The following CDYL variants were observed in gnomAD, a reference collection of about 807,000 sequenced individuals.
CDYL encodes the protein chromodomain Y-like protein.
A neutral mutation model predicts 47.3 loss-of-function variants in CDYL; 8 were observed. The observed-to-expected ratio is 0.17, with a 90% CI of 0.10 to 0.31. CDYL has a LOEUF of 0.31. Ranked by LOEUF, CDYL falls within the 10% of genes least tolerant of loss-of-function variation. CDYL has a pLI of 1.00. For synonymous variants in CDYL, 266 were observed against 265.0 expected (o/e 1.00, Z -0.04); for missense variants, 471 against 701.4 (o/e 0.67, Z 3.71).
At chr6:4,849,476 G>A (rs533997896) in intron 1 of CDYL, among the ~76,000 whole-genome samples, 2 of 152,220 alleles carry the variant, frequency 1.3e-5, no homozygotes, top group South Asian at 4.1e-4. Flanking sequence ...ACGATAATTC[G>A]TGTGGTGTGT....
chr6:4,724,195 C>T (rs1757438009), intron 2 of CDYL, among the ~76,000 whole-genome samples: 2 of 151,656 alleles, frequency 1.3e-5, no homozygotes, highest in African/African-American at 4.9e-5. Flanking sequence ...CATGTGCCAT[C>T]ACACCCAGCT....
chr6:4,755,051 T>TTTTTG (rs991991474), intron 3 of CDYL, among the ~76,000 whole-genome samples: 2 of 151,922 alleles, frequency 1.3e-5, no homozygotes, highest in Admixed American at 6.6e-5. Flanking sequence ...TGTTTTTTGT[T>TTTTTG]TTTTGTTTTG....
At chr6:4,900,779 G>GTGTGTGTATATATATATATA in intron 2 of CDYL, among the ~76,000 whole-genome samples, 30 of 51,672 alleles carry the variant, frequency 5.8e-4, no homozygotes, top group South Asian at 1.9e-3. Context: ...GTATACGTGT[G>GTGTGTGTATATATATATATA]TATATATATA....
At chr6:4,909,739 T>A (rs1288710230) in intron 2 of CDYL, among the ~76,000 whole-genome samples, 4 of 151,610 alleles carry the variant, frequency 2.6e-5, no homozygotes, top group African/African-American at 9.7e-5. Flanking sequence ...CCTGGCTATT[T>A]TTTTTTTTTT....
At chr6:4,713,254 C>T (rs74406109) in intron 1 of CDYL, among the ~76,000 whole-genome samples, 1,686 of 152,298 alleles carry the variant, frequency 0.011, 14 homozygotes, top group Non-Finnish European at 0.018. Flanking sequence ...TCTCGTGCTT[C>T]TCTGCTCTAC....
At chr6:4,759,932 G>GAAAGA (rs138182511) in intron 3 of CDYL, among the ~76,000 whole-genome samples, 1 of 61,500 alleles carries the variant, frequency 1.6e-5, no homozygotes, top group Non-Finnish European at 3.6e-5. Flanking sequence ...AAAAGAAGAA[G>GAAAGA]AAAGAAAAGA....
chr6:4,942,910 G>T (rs1175550613), intron 4 of CDYL, among the ~76,000 whole-genome samples: 2 of 152,190 alleles, frequency 1.3e-5, no homozygotes, highest in Non-Finnish European at 2.9e-5. Flanking sequence ...TGCTCTTCTT[G>T]TTTGCAGGTC....
chr6:4,712,688 G>A (rs1034781930), intron 1 of CDYL, among the ~76,000 whole-genome samples: 4 of 152,138 alleles, frequency 2.6e-5, no homozygotes, highest in Admixed American at 6.5e-5. Flanking sequence ...GAGGAGATTC[G>A]GACTGTTAGA....
At position 4,935,556 on chromosome 6, in the gene CDYL, A is replaced by G; in HGVS notation, c.733A>G (p.Thr245Ala). 1 of 1,614,240 alleles carries G rather than the reference A, an allele frequency of 6.2e-7. No homozygotes were observed. The highest frequency in any genetic ancestry group is 8.5e-7 in the Non-Finnish European group (1 of 1,180,042). The part of the protein sequence containing the change: ...FMDALTANGT[T>A]NIQTSVTGVT... ...GGATGCATTAACAGCCAATGGGACA[A>G]CCAACATACAGACATCTGTTACAGG... The change falls in exon 3 of 7, where the codon ACC becomes GCC. Residue 245 changes from threonine to alanine, a missense_variant. Physicochemically the swap from Thr to Ala is moderately conservative, Grantham distance 58. Transcript: ENST00000397588.
exon 2 of CDYL, chr6:4,715,806 G>C (rs969199144): frequency 1.2e-6 from 2 of 1,614,052 alleles, no homozygotes; most frequent in East Asian, 2.2e-5. Flanking sequence ...CCACAGGTCA[G>C]CCTGGGGAAA....
chr6:4,730,618 G>A (rs1320907694), intron 2 of CDYL, among the ~76,000 whole-genome samples: 2 of 142,754 alleles, frequency 1.4e-5, no homozygotes, highest in Non-Finnish European at 3.0e-5. Context: ...AGGTTGCAGT[G>A]AGCCGAGATT....
intron 1 of CDYL, among the ~76,000 whole-genome samples, chr6:4,811,270 A>C (rs1191553938): frequency 6.6e-6 from 1 of 152,222 alleles, no homozygotes; most frequent in Admixed American, 6.5e-5. Context: ...GATAATACTA[A>C]AGATAGAACT....
At chr6:4,813,665 C>T (rs1004273232) in intron 1 of CDYL, among the ~76,000 whole-genome samples, 12 of 152,108 alleles carry the variant, frequency 7.9e-5, no homozygotes, top group African/African-American at 2.2e-4. Flanking sequence ...TTATTTTATC[C>T]GATTGTTATT....
chr6:4,950,700 G>A (rs1013608621), intron 5 of CDYL, among the ~76,000 whole-genome samples: 5 of 152,096 alleles, frequency 3.3e-5, no homozygotes, highest in African/African-American at 7.2e-5. Flanking sequence ...AGGCCCAGGC[G>A]GGCGGATCAC....
rs141657873 is a variant in CDYL, at chr6:4,837,873, A to G, written c.25-53840A>G. Reference sequence around the variant, plus strand: ...ACTGCAGCCTCTGCCTCCCAGGCTCAAGTGATCCCAATACCTCATCCTCTC... The same window carrying G: ...ACTGCAGCCTCTGCCTCCCAGGCTCGAGTGATCCCAATACCTCATCCTCTC... On this transcript the variant is annotated intron_variant, in intron 1 of 6. Coordinates refer to ENST00000397588, the MANE Select transcript of CDYL (RefSeq NM_004824.4). Among the ~76,000 whole-genome samples the G allele has an allele frequency of 6.2e-4, 94 of 152,024 alleles. 1 individual carries two copies. Among genetic ancestry groups the G allele is most frequent in the African/African-American group, 2.1e-3 (88 of 41,438 alleles).
At chr6:4,774,909 G>C (rs1758396747), upstream of CDYL, among the ~76,000 whole-genome samples, 1 of 152,152 alleles carries the variant, frequency 6.6e-6, no homozygotes, top group African/African-American at 2.4e-5. Flanking sequence ...GGTGGGGACC[G>C]CAGGTAGAAG....
intron 2 of CDYL, among the ~76,000 whole-genome samples, chr6:4,925,374 T>C (rs575955686): frequency 1.3e-5 from 2 of 151,796 alleles, no homozygotes; most frequent in Admixed American, 6.6e-5. Context: ...AGATTTGTTA[T>C]GCGTCTGTCC....
upstream of CDYL, among the ~76,000 whole-genome samples, chr6:4,774,201 A>G (rs1050316314): frequency 3.3e-5 from 5 of 152,168 alleles, no homozygotes; most frequent in African/African-American, 1.2e-4. Context: ...TAATAGGCTT[A>G]TATGTTATAT....
intron 2 of CDYL, among the ~76,000 whole-genome samples, chr6:4,723,726 AGT>A (rs1757420734): frequency 6.6e-6 from 1 of 152,178 alleles, no homozygotes. Context: ...AGCAGGGCAG[AGT>A]GAGTCTGAAG....
Sources: gnomAD v4.1 joint callset for allele counts (sites outside exome capture counted in the v4.1 genomes callset) on GRCh38, gnomAD v4.1.1 for gene constraint, MANE v1.5 for transcripts, NCBI Gene and HGNC (gene_info 2026-07-23, HGNC 2026-07-21) for gene names.